Variants in SCFD2 observed in about 807,000 individuals in gnomAD.
The protein encoded by SCFD2 is sec1 family domain-containing protein 2.
In SCFD2, 54 loss-of-function variants were observed where a neutral mutation model predicts 58.9. The ratio of observed to expected loss-of-function variants is 0.92; its 90% CI spans 0.74 to 1.15. The LOEUF (loss-of-function observed/expected upper bound fraction) is 1.15. Ranked by LOEUF, SCFD2 falls within the 50% of genes most tolerant of loss-of-function variation. The pLI is 0.00. For missense variants in SCFD2, 805 were observed against 836.6 expected, an observed-to-expected ratio of 0.96 and a Z score of 0.47; for synonymous variants, 321 against 335.9, an observed-to-expected ratio of 0.96 and a Z score of 0.49.
rs140170868 is a variant in SCFD2 at position 52,886,175 on chromosome 4, T to C, written c.1843-309A>G. Among the ~76,000 whole-genome samples, 14 of 152,330 alleles carry C rather than the reference T, an allele frequency of 9.2e-5. 1 individual carries two copies. The highest frequency in any genetic ancestry group is 3.4e-4 in the African/African-American group (14 of 41,564). On this transcript the variant is annotated intron_variant, in intron 7 of 8. Coordinates refer to ENST00000401642, the MANE Select transcript of SCFD2 (RefSeq NM_152540.4). ...ATATACCTACCCTTCCCTAATTGTTTGTTTACACTGTCATGTCCATCTTTG... is the reference window on the plus strand; with the variant it reads ...ATATACCTACCCTTCCCTAATTGTTCGTTTACACTGTCATGTCCATCTTTG...
intron 4 of SCFD2, among the ~76,000 whole-genome samples, chr4:53,269,931 T>G (rs770738388): frequency 6.6e-6 from 1 of 152,042 alleles, no homozygotes; most frequent in African/African-American, 2.4e-5. Context: ...GAGGCTGACA[T>G]GGGAAAATCA....
intron 4 of SCFD2, among the ~76,000 whole-genome samples, chr4:53,212,180 A>C (rs760148718): frequency 4.6e-5 from 7 of 151,966 alleles, no homozygotes; most frequent in Non-Finnish European, 7.4e-5. Context: ...AATAGAATCC[A>C]CTGTTGGGAA....
intron 4 of SCFD2, among the ~76,000 whole-genome samples, chr4:53,146,914 G>C (rs1450397947): frequency 1.3e-5 from 2 of 152,186 alleles, no homozygotes; most frequent in Non-Finnish European, 2.9e-5. Context: ...CAGGACTATG[G>C]ATAGTTTCAG....
intron 4 of SCFD2, among the ~76,000 whole-genome samples, chr4:53,254,515 T>C (rs1372230425): frequency 1.3e-5 from 2 of 151,654 alleles, no homozygotes; most frequent in Non-Finnish European, 2.9e-5. Flanking sequence ...TTTATTTCAT[T>C]TTTAGTAGAG....
At chr4:53,216,603 G>A (rs1467331232) in intron 4 of SCFD2, among the ~76,000 whole-genome samples, 1 of 149,048 alleles carries the variant, frequency 6.7e-6, no homozygotes, top group Non-Finnish European at 1.5e-5. Context: ...ACCAGCTCCT[G>A]GATTCATTGA....
At chr4:53,202,313 T>A (rs1560382623) in intron 4 of SCFD2, among the ~76,000 whole-genome samples, 1 of 152,166 alleles carries the variant, frequency 6.6e-6, no homozygotes, top group Non-Finnish European at 1.5e-5. Flanking sequence ...TTTTCTCAGG[T>A]TTGTCAAAGA....
intron 5 of SCFD2, among the ~76,000 whole-genome samples, chr4:53,085,953 G>A (rs967333929): frequency 3.0e-4 from 46 of 152,032 alleles, no homozygotes; most frequent in Non-Finnish European, 8.8e-5. Flanking sequence ...AAATACCGTG[G>A]CAACTCTCCA....
chr4:53,077,346 AG>A (rs1331862724), intron 5 of SCFD2, among the ~76,000 whole-genome samples: 2 of 152,342 alleles, frequency 1.3e-5, no homozygotes, highest in East Asian at 3.9e-4. Context: ...GGGAAATTCC[AG>A]TAATATTTAT....
chr4:53,156,985 T>C (rs939036837), intron 4 of SCFD2, among the ~76,000 whole-genome samples: 20 of 152,344 alleles, frequency 1.3e-4, no homozygotes, highest in Non-Finnish European at 2.4e-4. Flanking sequence ...TTCTCCAAAA[T>C]GAACGAAGTG....
At chr4:53,342,004 T>A (rs558338606) in intron 2 of SCFD2, among the ~76,000 whole-genome samples, 98 of 152,136 alleles carry the variant, frequency 6.4e-4, no homozygotes, top group African/African-American at 2.2e-3. Context: ...TGCAGAAACA[T>A]ACCAAATTGC....
chr4:53,212,575 C>CGTGT (rs72335886), intron 4 of SCFD2, among the ~76,000 whole-genome samples: 3,810 of 142,224 alleles, frequency 0.027, 70 homozygotes, highest in Middle Eastern at 0.056. Flanking sequence ...AAAGTGAGCA[C>CGTGT]GTGTGTGTGT....
At chr4:53,012,718 C>A (rs141897875) in intron 5 of SCFD2, among the ~76,000 whole-genome samples, 2 of 151,648 alleles carry the variant, frequency 1.3e-5, no homozygotes, top group Admixed American at 1.3e-4. Context: ...TCTAGCCAGT[C>A]GGCAAAAAAG....
chr4:53,287,166 C>T (rs1211004937), intron 3 of SCFD2, among the ~76,000 whole-genome samples: 1 of 152,122 alleles, frequency 6.6e-6, no homozygotes, highest in Non-Finnish European at 1.5e-5. Flanking sequence ...AGAGTTTCAT[C>T]TACCTGTGCT....
chr4:53,272,149 A>G (rs1194181495), intron 4 of SCFD2, among the ~76,000 whole-genome samples: 1 of 152,196 alleles, frequency 6.6e-6, no homozygotes, highest in Non-Finnish European at 1.5e-5. Context: ...CAAAACCACA[A>G]TGAGATACCA....
At chr4:53,335,586 G>A (rs1182255643) in intron 2 of SCFD2, among the ~76,000 whole-genome samples, 2 of 152,158 alleles carry the variant, frequency 1.3e-5, no homozygotes, top group African/African-American at 4.8e-5. Context: ...ATCCCTTTGA[G>A]AGAAATAAAT....
At chr4:52,976,128 C>G (rs1266132545) in intron 5 of SCFD2, among the ~76,000 whole-genome samples, 2 of 151,940 alleles carry the variant, frequency 1.3e-5, no homozygotes, top group Non-Finnish European at 2.9e-5. Flanking sequence ...GCATATGTAA[C>G]TAACCTGCAT....
chr4:53,330,432 G>C (rs1468686977), intron 2 of SCFD2, among the ~76,000 whole-genome samples: 1 of 151,952 alleles, frequency 6.6e-6, no homozygotes, highest in Non-Finnish European at 1.5e-5. Context: ...GAGAGTGGGG[G>C]GCAATATTCA....
chr4:53,130,498 A>C (rs928297503), intron 5 of SCFD2, among the ~76,000 whole-genome samples: 1 of 152,142 alleles, frequency 6.6e-6, no homozygotes, highest in African/African-American at 2.4e-5. Context: ...AATCACTCCA[A>C]CTGTCAATCT....
At chr4:53,340,678 AC>A (rs1293842253) in intron 2 of SCFD2, among the ~76,000 whole-genome samples, 5 of 152,138 alleles carry the variant, frequency 3.3e-5, no homozygotes, top group African/African-American at 1.2e-4. Flanking sequence ...TGTGTCCCTC[AC>A]CCCCGAGTAG....
Sources: allele counts gnomAD v4.1 joint callset (sites outside exome capture counted in the v4.1 genomes callset), GRCh38; gene constraint gnomAD v4.1.1; transcripts MANE v1.5; gene names NCBI Gene and HGNC (gene_info 2026-07-23, HGNC 2026-07-21).